Variants in YWHAG observed in about 807,000 individuals in gnomAD.
The protein encoded by YWHAG is 14-3-3 protein gamma.
A neutral mutation model predicts 23.3 loss-of-function variants in YWHAG; 1 was observed. The ratio of observed to expected loss-of-function variants is 0.04; its 90% CI spans 0.02 to 0.20. YWHAG has a LOEUF of 0.20. YWHAG is among the 10% of genes least tolerant of loss of function. YWHAG has a pLI of 1.00. For synonymous variants in YWHAG, 160 were observed against 144.0 expected, an observed-to-expected ratio of 1.11 and a Z score of -0.80; for missense variants, 151 against 338.6, an observed-to-expected ratio of 0.45 and a Z score of 4.35.
intron 1 of YWHAG, among the ~76,000 whole-genome samples, chr7:76,336,056 A>T (rs938543248): frequency 6.6e-6 from 1 of 152,194 alleles, no homozygotes; most frequent in African/African-American, 2.4e-5. Context: ...CTCAACCTGG[A>T]ACTACAGGCA....
rs150804532 is a variant in YWHAG at position 76,349,792 on chromosome 7, G to C, written c.87+8930C>G. 3.6e-3 allele frequency among the ~76,000 whole-genome samples: 545 copies of C among 152,224 alleles called. 7 individuals are homozygous for C. Among genetic ancestry groups the C allele is most frequent in the African/African-American group, 0.012 (500 of 41,526 alleles). ...GTGGATCACTTGAGGTCAGGAGTTCGAGATCAGCCTGGCTAACATGGTGAA... is the reference window on the plus strand; with the variant it reads ...GTGGATCACTTGAGGTCAGGAGTTCCAGATCAGCCTGGCTAACATGGTGAA... On this transcript the variant is annotated intron_variant, in intron 1 of 1. Coordinates refer to ENST00000307630, the MANE Select transcript of YWHAG (RefSeq NM_012479.4).
Position 76,327,106 on chromosome 7 carries a change from C to T in YWHAG, c.*2471G>A, listed in dbSNP as rs746417297. 2.6e-5 allele frequency: 4 copies of T among 152,408 alleles called. No individual in the cohort carries two copies. The highest frequency in any genetic ancestry group is 5.9e-5 in the Non-Finnish European group (4 of 68,012). The allele number at this position is 152,408 out of a possible 1,614,324, so 9.4% of individuals were successfully genotyped here. ...AACACTGGTGTTTCTTTTGCTCCCC[C>T]CCTTTTAAAAACAAAATATATAACT... On this transcript the variant is annotated 3_prime_UTR_variant, in exon 2 of 2. Coordinates refer to ENST00000307630, the MANE Select transcript of YWHAG (RefSeq NM_012479.4).
At chr7:76,331,243 C>T (rs1164329953) in intron 1 of YWHAG, among the ~76,000 whole-genome samples, 2 of 151,094 alleles carry the variant, frequency 1.3e-5, no homozygotes, top group Non-Finnish European at 2.9e-5. Flanking sequence ...CTCTGCCTAC[C>T]GAGGAGCTGG....
chr7:76,350,298 A>G (rs945504283), intron 1 of YWHAG, among the ~76,000 whole-genome samples: 92 of 152,318 alleles, frequency 6.0e-4, no homozygotes, highest in African/African-American at 2.1e-3. Flanking sequence ...TGAATTCTGA[A>G]ACATGTATAC....
At chr7:76,340,136 CA>C (rs1270023114) in intron 1 of YWHAG, among the ~76,000 whole-genome samples, 1 of 152,034 alleles carries the variant, frequency 6.6e-6, no homozygotes, top group Admixed American at 6.6e-5. Context: ...AAAAAACAAA[CA>C]AAAAGGTTAC....
At chr7:76,350,961 C>CA (rs1373859852) in intron 1 of YWHAG, among the ~76,000 whole-genome samples, 2 of 151,766 alleles carry the variant, frequency 1.3e-5, no homozygotes, top group Non-Finnish European at 2.9e-5. Context: ...GAATACTAAG[C>CA]AAAAAAATAA....
chr7:76,341,404 CAAAAAAAAAA>C (rs1158151013), intron 1 of YWHAG, among the ~76,000 whole-genome samples: 58 of 44,662 alleles, frequency 1.3e-3, no homozygotes, highest in Admixed American at 2.9e-3. Context: ...ACTCTTGCCT[CAAAAAAAAAA>C]AAAAAAAAAA....
At chr7:76,344,075 A>C (rs2115627078) in intron 1 of YWHAG, among the ~76,000 whole-genome samples, 1 of 152,290 alleles carries the variant, frequency 6.6e-6, no homozygotes, top group Middle Eastern at 3.4e-3. Context: ...GAACAGATGA[A>C]CCTGGGGATC....
chr7:76,344,682 C>A (rs957934043), intron 1 of YWHAG, among the ~76,000 whole-genome samples: 2 of 152,136 alleles, frequency 1.3e-5, no homozygotes, highest in Admixed American at 6.5e-5. Flanking sequence ...TGTGTCCAGA[C>A]CTCTACCACT....
At chr7:76,331,674 G>C (rs1583982638) in intron 1 of YWHAG, among the ~76,000 whole-genome samples, 1 of 152,106 alleles carries the variant, frequency 6.6e-6, no homozygotes, top group East Asian at 1.9e-4. Context: ...CTGGGGCATG[G>C]GGGAACTGAA....
At chr7:76,331,621 G>A (rs1363975629) in intron 1 of YWHAG, among the ~76,000 whole-genome samples, 1 of 151,564 alleles carries the variant, frequency 6.6e-6, no homozygotes, top group Admixed American at 6.6e-5. Flanking sequence ...AAGGGAATGT[G>A]GCCCAGGGAA....
At chr7:76,341,020 T>G (rs1328298913) in intron 1 of YWHAG, among the ~76,000 whole-genome samples, 2 of 152,118 alleles carry the variant, frequency 1.3e-5, no homozygotes, top group Non-Finnish European at 2.9e-5. Context: ...ACTACAGGCA[T>G]GTGCCACCAA....
At chr7:76,337,986 A>G (rs148105593) in intron 1 of YWHAG, among the ~76,000 whole-genome samples, 3 of 152,342 alleles carry the variant, frequency 2.0e-5, no homozygotes, top group East Asian at 1.9e-4. Context: ...TACATGTTTT[A>G]TAAGTCCGGT....
At chr7:76,349,458 C>G (rs1416068981) in intron 1 of YWHAG, among the ~76,000 whole-genome samples, 1 of 150,930 alleles carries the variant, frequency 6.6e-6, no homozygotes, top group Non-Finnish European at 1.5e-5. Flanking sequence ...CACACACACA[C>G]ACACACACAG....
chr7:76,331,372 T>C (rs1427281169), intron 1 of YWHAG, among the ~76,000 whole-genome samples: 1 of 152,130 alleles, frequency 6.6e-6, no homozygotes, highest in Non-Finnish European at 1.5e-5. Context: ...CTGCAGCATC[T>C]GTATAACATT....
intron 1 of YWHAG, among the ~76,000 whole-genome samples, chr7:76,345,000 C>T (rs1317780286): frequency 6.6e-6 from 1 of 152,096 alleles, no homozygotes; most frequent in Non-Finnish European, 1.5e-5. Flanking sequence ...CCCTAAAATA[C>T]CCAGATCAAT....
chr7:76,341,374 A>T (rs1272838973), intron 1 of YWHAG, among the ~76,000 whole-genome samples: 1 of 132,632 alleles, frequency 7.5e-6, no homozygotes, highest in African/African-American at 2.9e-5. Context: ...ACTGCACTCC[A>T]GCCTGGGTGA....
intron 1 of YWHAG, among the ~76,000 whole-genome samples, chr7:76,347,605 A>C (rs993456742): frequency 3.3e-5 from 5 of 151,628 alleles, no homozygotes; most frequent in Non-Finnish European, 7.4e-5. Flanking sequence ...AACAAACAAA[A>C]AAAACACTCA....
At position 76,327,686 on chromosome 7, in the gene YWHAG, C is replaced by T. The variant is rs994487630; in HGVS notation, c.*1891G>A. ...CTACCCTGCCCCCCCCCCCCTCCCC[C>T]CCCAAATCGTCTTCCTCCCATGGCA... On this transcript the variant is annotated 3_prime_UTR_variant, in exon 2 of 2. Transcript: ENST00000307630. The T allele has an allele frequency of 8.5e-6, 1 of 117,100 alleles. No homozygotes were observed. The highest frequency in any genetic ancestry group is 3.3e-5 in the African/African-American group (1 of 30,002). 7.3% of individuals were successfully genotyped at this position (117,100 alleles called of 1,614,324 possible).
Sources: allele counts gnomAD v4.1 joint callset (sites outside exome capture counted in the v4.1 genomes callset), GRCh38; gene constraint gnomAD v4.1.1; transcripts MANE v1.5; gene names NCBI Gene and HGNC (gene_info 2026-07-23, HGNC 2026-07-21).